Variants in SORCS2 observed in about 807,000 individuals in gnomAD.
The protein encoded by SORCS2 is VPS10 domain-containing receptor SorCS2.
In SORCS2, 100 loss-of-function variants were observed where a neutral mutation model predicts 141.6. The ratio of observed to expected loss-of-function variants is 0.71; its 90% CI spans 0.60 to 0.83. The LOEUF is 0.83. SORCS2 is among the 40% of genes least tolerant of loss of function. The probability of loss-of-function intolerance (pLI) is 0.00; values close to 1 mark genes in which losing one functional copy is unlikely to be tolerated. For missense variants in SORCS2, 1,646 were observed against 1,560.2 expected (o/e 1.05, Z -0.93); for synonymous variants, 789 against 676.9 (o/e 1.17, Z -2.57).
chr4:7,737,733 C>G lies in SORCS2; in HGVS notation c.3415+561C>G, dbSNP rs139983326. On this transcript the variant is annotated intron_variant, in intron 26 of 26. Transcript: ENST00000507866. ...CTGCATGACAAACCGCCCACCTCAG[C>G]GGCGTAGCATCGTTTATGGCCGTTT... 2.7e-3 allele frequency among the ~76,000 whole-genome samples: 404 copies of G among 152,344 alleles called. 1 individual carries two copies. Among genetic ancestry groups the G allele is most frequent in the African/African-American group, 9.1e-3 (377 of 41,584 alleles).
intron 2 of SORCS2, among the ~76,000 whole-genome samples, chr4:7,519,285 A>G (rs181164273): frequency 4.4e-4 from 67 of 152,306 alleles, no homozygotes; most frequent in African/African-American, 1.6e-3. Flanking sequence ...GACAAGAGCC[A>G]TTGCAAACAT....
chr4:7,500,379 T>C (rs1407736831), intron 2 of SORCS2, among the ~76,000 whole-genome samples: 1 of 152,122 alleles, frequency 6.6e-6, no homozygotes, highest in Non-Finnish European at 1.5e-5. Context: ...TCTGCCTGCA[T>C]TGAGGACCTC....
intron 3 of SORCS2, among the ~76,000 whole-genome samples, chr4:7,601,021 G>T (rs540066408): frequency 6.6e-6 from 1 of 152,308 alleles, no homozygotes; most frequent in Admixed American, 6.5e-5. Context: ...GAGTAGCTGG[G>T]ATTACAGGTG....
Position 7,314,800 on chromosome 4 carries a change from GTTTTTTTTTTTTT to G in SORCS2, c.481-81471_481-81459del, listed in dbSNP as rs397880294. 1.7e-3 allele frequency among the ~76,000 whole-genome samples: 187 copies of G among 109,834 alleles called. 1 individual carries two copies. Among genetic ancestry groups the G allele is most frequent in the African/African-American group, 2.8e-3 (83 of 29,830 alleles). 72.1% of individuals were successfully genotyped at this position (109,834 alleles called of 152,430 possible). A position where few individuals can be genotyped will look rare whatever the true frequency, so the allele number is the denominator to read the frequency against. ...CTCCCAGGAGCCTGCCCACTGTTCTGTTTTTTTTTTTTTTTTTTTTTTTTTTTTTATTGTTGTT... is the reference window on the plus strand; with the variant it reads ...CTCCCAGGAGCCTGCCCACTGTTCTGTTTTTTTTTTTTTTTTATTGTTGTT... On this transcript the variant is annotated intron_variant, in intron 1 of 26. Transcript: ENST00000507866.
In SORCS2 at chr4:7,540,745, C is replaced by T. The variant is rs559403157; in HGVS notation, c.648+9116C>T. Among the ~76,000 whole-genome samples, 4 of 152,324 alleles carry T rather than the reference C, an allele frequency of 2.6e-5. No homozygotes were observed. In the East Asian group the frequency reaches 7.7e-4, roughly 29 times the overall value. On this transcript the variant is annotated intron_variant, in intron 3 of 26. Transcript: ENST00000507866. ...AGAACAGGCTTTACGGAGACTCAAC[C>T]CCAGGTTCCCTATTTCCTGGCTTTC...
At chr4:7,383,791 G>A (rs1723132755) in intron 1 of SORCS2, among the ~76,000 whole-genome samples, 1 of 152,116 alleles carries the variant, frequency 6.6e-6, no homozygotes, top group African/African-American at 2.4e-5. Context: ...TACTTACAGT[G>A]ACTATTAAAA....
intron 2 of SORCS2, among the ~76,000 whole-genome samples, chr4:7,511,212 C>G (rs1732620043): frequency 6.6e-6 from 1 of 151,980 alleles, no homozygotes; most frequent in African/African-American, 2.4e-5. Flanking sequence ...ATGACACGCC[C>G]AGAGACATGG....
intron 4 of SORCS2, among the ~76,000 whole-genome samples, chr4:7,647,101 A>T (rs1305956361): frequency 6.6e-6 from 1 of 152,146 alleles, no homozygotes; most frequent in Admixed American, 6.5e-5. Context: ...ACGAGAGGGA[A>T]GTAGGGATGC....
chr4:7,265,354 G>A (rs1714655002), intron 1 of SORCS2, among the ~76,000 whole-genome samples: 1 of 152,216 alleles, frequency 6.6e-6, no homozygotes, highest in African/African-American at 2.4e-5. Flanking sequence ...AGCTGGGCAT[G>A]CTGGTGTGTG....
intron 1 of SORCS2, among the ~76,000 whole-genome samples, chr4:7,267,768 G>A (rs957981107): frequency 1.3e-5 from 2 of 152,208 alleles, no homozygotes; most frequent in Non-Finnish European, 2.9e-5. Flanking sequence ...GGAGACGGAG[G>A]TTGCAGTGAG....
intron 3 of SORCS2, among the ~76,000 whole-genome samples, chr4:7,543,742 A>C (rs1175585420): frequency 1.1e-5 from 1 of 87,392 alleles, no homozygotes; most frequent in Non-Finnish European, 2.2e-5. Context: ...CCACCCATCC[A>C]CCCATCCACC....
intron 1 of SORCS2, among the ~76,000 whole-genome samples, chr4:7,231,185 T>C (rs956612185): frequency 2.0e-5 from 3 of 152,206 alleles, no homozygotes; most frequent in African/African-American, 7.2e-5. Flanking sequence ...CAGGCTGCTG[T>C]AGAGCCTGGA....
intron 2 of SORCS2, among the ~76,000 whole-genome samples, chr4:7,490,671 C>T (rs903933510): frequency 6.6e-6 from 1 of 152,196 alleles, no homozygotes; most frequent in African/African-American, 2.4e-5. Flanking sequence ...ACCGTCCGTC[C>T]TGGCCCCAGC....
At chr4:7,596,756 C>T (rs1717301462) in intron 3 of SORCS2, among the ~76,000 whole-genome samples, 1 of 152,080 alleles carries the variant, frequency 6.6e-6, no homozygotes, top group Non-Finnish European at 1.5e-5. Flanking sequence ...TGAGCACCCA[C>T]CAGGTACCCT....
At chr4:7,240,016 T>TA (rs1712582005) in intron 1 of SORCS2, among the ~76,000 whole-genome samples, 1 of 152,180 alleles carries the variant, frequency 6.6e-6, no homozygotes, top group Non-Finnish European at 1.5e-5. Context: ...AGCTCTGCTC[T>TA]CCACAGAAGG....
At chr4:7,245,214 G>C (rs1713002338) in intron 1 of SORCS2, among the ~76,000 whole-genome samples, 1 of 152,152 alleles carries the variant, frequency 6.6e-6, no homozygotes. Context: ...CTCCCCAGCT[G>C]GTTACCTCCT....
chr4:7,495,320 G>A (rs1731546720), intron 2 of SORCS2, among the ~76,000 whole-genome samples: 1 of 152,232 alleles, frequency 6.6e-6, no homozygotes, highest in South Asian at 2.1e-4. Context: ...AGGCCAGGCT[G>A]GGTTCAATGC....
intron 4 of SORCS2, among the ~76,000 whole-genome samples, chr4:7,647,599 T>C (rs1055255003): frequency 6.6e-6 from 1 of 152,170 alleles, no homozygotes; most frequent in African/African-American, 2.4e-5. Context: ...TGGTGGGGTC[T>C]GTAGTTTTCA....
intron 2 of SORCS2, among the ~76,000 whole-genome samples, chr4:7,443,134 A>T (rs1727782168): frequency 6.6e-6 from 1 of 152,224 alleles, no homozygotes; most frequent in Admixed American, 6.5e-5. Flanking sequence ...ACATCTGTAA[A>T]AACCCTAGCT....
Sources: gnomAD v4.1 joint callset for allele counts (sites outside exome capture counted in the v4.1 genomes callset) on GRCh38, gnomAD v4.1.1 for gene constraint, MANE v1.5 for transcripts, NCBI Gene and HGNC (gene_info 2026-07-23, HGNC 2026-07-21) for gene names.